INVS: variants seen among roughly 807,000 people sequenced by gnomAD.
The protein encoded by INVS is inversin.
A neutral mutation model predicts 108.8 loss-of-function variants in INVS; 86 were observed. The observed-to-expected ratio is 0.79, with a 90% CI of 0.66 to 0.95. The LOEUF (loss-of-function observed/expected upper bound fraction) is 0.95, where lower values mean the gene tolerates loss of function less well. INVS is among the 40% of genes least tolerant of loss of function. INVS has a pLI of 0.00. For missense variants in INVS, 1,169 were observed against 1,297.4 expected (o/e 0.90, Z 1.52); for synonymous variants, 455 against 473.5 (o/e 0.96, Z 0.51).
At chr9:100,100,349 T>C (rs1826786949) in intron 1 of INVS, among the ~76,000 whole-genome samples, 2 of 151,314 alleles carry the variant, frequency 1.3e-5, no homozygotes, top group African/African-American at 4.9e-5. Context: ...TCCTATCTCT[T>C]GTCCACGCCC....
chr9:100,201,115 A>T (rs1830518295), intron 3 of INVS, among the ~76,000 whole-genome samples: 1 of 152,246 alleles, frequency 6.6e-6, no homozygotes, highest in African/African-American at 2.4e-5. Flanking sequence ...TGCTTATGGC[A>T]CAGCAGGTAG....
chr9:100,202,788 T>C (rs541698958), intron 3 of INVS, among the ~76,000 whole-genome samples: 1 of 152,336 alleles, frequency 6.6e-6, no homozygotes, highest in South Asian at 2.1e-4. Flanking sequence ...CTAAGCAGTC[T>C]CATTCATAAA....
chr9:100,191,833 A>G (rs984673359), intron 3 of INVS, among the ~76,000 whole-genome samples: 1 of 151,842 alleles, frequency 6.6e-6, no homozygotes, highest in African/African-American at 2.4e-5. Flanking sequence ...TTTTGAATTT[A>G]TTTTTCATTC....
At chr9:100,252,864 G>A in intron 9 of INVS, 43 bp from the exon 10 acceptor site, 1 of 1,372,158 alleles carries the variant, frequency 7.3e-7, no homozygotes, top group Non-Finnish European at 1.0e-6. Flanking sequence ...TTTAATAAAA[G>A]CTATTTATAT....
At chr9:100,279,856 G>A (rs1833224409) in intron 12 of INVS, among the ~76,000 whole-genome samples, 2 of 152,242 alleles carry the variant, frequency 1.3e-5, no homozygotes, top group South Asian at 4.2e-4. Flanking sequence ...TCAAAAGTGG[G>A]CAAATAGAAC....
At chr9:100,100,657 AT>A (rs1202624962) in intron 1 of INVS, among the ~76,000 whole-genome samples, 14 of 34,212 alleles carry the variant, frequency 4.1e-4, no homozygotes, top group African/African-American at 1.9e-3. Context: ...TATATATAAT[AT>A]ATATATTATA....
rs751715524 is a variant in INVS, at chr9:100,302,173, G to A, written c.*1499G>A. ...AGATGTGAATAAACAACTTCAAACAGGAGGTACTATGGCCTCTTCAATACA... is the reference window on the plus strand; with the variant it reads ...AGATGTGAATAAACAACTTCAAACAAGAGGTACTATGGCCTCTTCAATACA... On this transcript the variant is annotated 3_prime_UTR_variant, in exon 17 of 17. Coordinates refer to ENST00000262457, the MANE Select transcript of INVS (RefSeq NM_014425.5). 1,461 of 1,420,036 alleles carry A rather than the reference G, an allele frequency of 1.0e-3. 2 individuals carry two copies. The highest frequency in any genetic ancestry group is 1.3e-3 in the Non-Finnish European group (1,348 of 1,035,656). 88.0% of individuals were successfully genotyped at this position (1,420,036 alleles called of 1,614,324 possible).
chr9:100,110,418 T>C (rs1827306492), intron 2 of INVS, among the ~76,000 whole-genome samples: 1 of 152,322 alleles, frequency 6.6e-6, no homozygotes, highest in South Asian at 2.1e-4. Context: ...TGCTAAAGTA[T>C]GGGACCTCAA....
chr9:100,229,914 C>A, intron 5 of INVS, 87 bp downstream of exon 5: 2 of 1,265,740 alleles, frequency 1.6e-6, no homozygotes, highest in African/African-American at 1.5e-5. Context: ...GTATATTTGA[C>A]GTACAAGCAA....
chr9:100,136,396 CTATTA>C (rs1313907451), intron 3 of INVS, among the ~76,000 whole-genome samples: 62 of 152,158 alleles, frequency 4.1e-4, no homozygotes, highest in African/African-American at 1.4e-3. Context: ...ATTATATATT[CTATTA>C]TTTCATCCAT....
At chr9:100,173,303 C>G (rs561319743) in intron 3 of INVS, among the ~76,000 whole-genome samples, 3 of 152,328 alleles carry the variant, frequency 2.0e-5, no homozygotes, top group African/African-American at 7.2e-5. Flanking sequence ...GAGGATAGCA[C>G]TGGGTGAGTT....
chr9:100,157,469 T>G (rs1829034333), intron 3 of INVS, among the ~76,000 whole-genome samples: 1 of 151,906 alleles, frequency 6.6e-6, no homozygotes, highest in Non-Finnish European at 1.5e-5. Context: ...GGTTTCACCG[T>G]GTTAGCCAGG....
At chr9:100,193,406 A>T (rs1830283122) in intron 3 of INVS, among the ~76,000 whole-genome samples, 1 of 152,194 alleles carries the variant, frequency 6.6e-6, no homozygotes, top group South Asian at 2.1e-4. Flanking sequence ...CAGTGGCATT[A>T]AGCACATTCA....
At chr9:100,260,907 CT>C (rs1832601072) in intron 10 of INVS, among the ~76,000 whole-genome samples, 2 of 152,086 alleles carry the variant, frequency 1.3e-5, no homozygotes. Flanking sequence ...ATAATTCCCC[CT>C]AAGTGAGATT....
At chr9:100,190,313 G>A (rs190284614) in intron 3 of INVS, among the ~76,000 whole-genome samples, 68 of 152,174 alleles carry the variant, frequency 4.5e-4, no homozygotes, top group African/African-American at 1.6e-3. Flanking sequence ...CAGATATTTG[G>A]TTTGTAATTT....
In INVS at chr9:100,292,656, G is replaced by A; in HGVS notation, c.2399G>A (p.Gly800Glu). Reference protein sequence around the residue: ...PQKRRTQELRGGRCSPAGSSR... With the variant: ...PQKRRTQELREGRCSPAGSSR... ...AAAAGGCGCACTCAAGAGCTCAGAG[G>A]AGGAAGGTGCTCTCCGGCTGGTTCT... is the stretch of plus-strand genomic sequence containing the variant. Residue 800 changes from glycine (G) to glutamate (E), a missense_variant, in exon 14 of 17, where the codon GGA becomes GAA. By Grantham distance (98) the Gly-to-Glu change is moderately conservative (BLOSUM62 -2). This residue lies in a region of INVS where 533 missense variants were observed against 536.0 expected (regional missense o/e 0.99). Coordinates refer to ENST00000262457, the MANE Select transcript of INVS (RefSeq NM_014425.5). The A allele has an allele frequency of 6.2e-7, 1 of 1,614,178 alleles. No homozygotes were observed.
chr9:100,182,112 ACTC>A (rs1829906290), intron 3 of INVS, among the ~76,000 whole-genome samples: 1 of 152,178 alleles, frequency 6.6e-6, no homozygotes, highest in South Asian at 2.1e-4. Flanking sequence ...ACAAAAATTA[ACTC>A]AAGATGGATT....
chr9:100,176,078 C>A, intron 3 of INVS: 1 of 481,850 alleles, frequency 2.1e-6, no homozygotes, highest in Admixed American at 2.3e-5. Context: ...ACTGATATTA[C>A]TCAATTTCAG....
intron 10 of INVS, among the ~76,000 whole-genome samples, chr9:100,259,053 G>A (rs560960105): frequency 3.3e-5 from 5 of 152,300 alleles, no homozygotes; most frequent in East Asian, 1.9e-4. Context: ...CTTGAGCTGC[G>A]GTGGGCTCCA....
Sources: allele counts gnomAD v4.1 joint callset (sites outside exome capture counted in the v4.1 genomes callset), GRCh38; gene constraint gnomAD v4.1.1; regional missense constraint gnomAD v4.1.1; transcripts MANE v1.5; gene names NCBI Gene and HGNC (gene_info 2026-07-23, HGNC 2026-07-21).